PHACTR1: variants seen among roughly 807,000 people sequenced by gnomAD.
PHACTR1 encodes the protein RPEL repeat containing 1.
A neutral mutation model predicts 69.2 loss-of-function variants in PHACTR1; 16 were observed. That is an observed-to-expected ratio of 0.23 (90% CI 0.16 to 0.35). The LOEUF (loss-of-function observed/expected upper bound fraction) is 0.35, where lower values mean the gene tolerates loss of function less well. Ranked by LOEUF, PHACTR1 falls within the 10% of genes least tolerant of loss-of-function variation. The pLI, the probability that PHACTR1 is intolerant of heterozygous loss-of-function variation, is 1.00. For synonymous variants in PHACTR1, 312 were observed against 284.5 expected (o/e 1.10, Z -0.97); for missense variants, 510 against 734.7 (o/e 0.69, Z 3.54).
chr6:12,872,991 T>TTTCC (rs939938688), intron 4 of PHACTR1, among the ~76,000 whole-genome samples: 4 of 151,892 alleles, frequency 2.6e-5, no homozygotes, highest in African/African-American at 2.4e-5. Flanking sequence ...TCCTTCTTTC[T>TTTCC]TTCCTTCCTT....
At chr6:12,968,927 A>T (rs1793827323) in intron 4 of PHACTR1, among the ~76,000 whole-genome samples, 1 of 152,234 alleles carries the variant, frequency 6.6e-6, no homozygotes, top group Admixed American at 6.5e-5. Context: ...TTTCAAATGC[A>T]TTAGAATCTC....
At chr6:13,018,011 G>A (rs1285702690) in intron 4 of PHACTR1, among the ~76,000 whole-genome samples, 1 of 152,036 alleles carries the variant, frequency 6.6e-6, no homozygotes, top group African/African-American at 2.4e-5. Context: ...CTAATCCATG[G>A]ACTTGCTAGA....
intron 5 of PHACTR1, among the ~76,000 whole-genome samples, chr6:13,110,818 C>CT (rs1162307028): frequency 6.6e-6 from 1 of 152,162 alleles, no homozygotes; most frequent in Non-Finnish European, 1.5e-5. Flanking sequence ...CAGGTTCCTA[C>CT]TTTTTTACAG....
At chr6:12,903,580 C>T (rs1785420324) in intron 4 of PHACTR1, among the ~76,000 whole-genome samples, 1 of 152,254 alleles carries the variant, frequency 6.6e-6, no homozygotes, top group African/African-American at 2.4e-5. Flanking sequence ...GTTTATTCTG[C>T]CCTCCTGGCC....
chr6:12,939,796 C>A (rs1789875915), intron 4 of PHACTR1, among the ~76,000 whole-genome samples: 1 of 152,138 alleles, frequency 6.6e-6, no homozygotes, highest in Non-Finnish European at 1.5e-5. Flanking sequence ...AACTTTACCT[C>A]CAATGCCAAA....
chr6:12,835,440 C>T (rs936491122), intron 4 of PHACTR1, among the ~76,000 whole-genome samples: 2 of 151,904 alleles, frequency 1.3e-5, no homozygotes, highest in South Asian at 2.1e-4. Flanking sequence ...GAAGAAAGGC[C>T]GGTTGAGGAA....
intron 3 of PHACTR1, among the ~76,000 whole-genome samples, chr6:12,738,935 T>C (rs1012480360): frequency 6.6e-6 from 1 of 152,194 alleles, no homozygotes; most frequent in Non-Finnish European, 1.5e-5. Context: ...ATTTATGTTT[T>C]TTAAACCAGT....
chr6:12,864,841 T>C (rs1395477076), intron 4 of PHACTR1, among the ~76,000 whole-genome samples: 1 of 152,176 alleles, frequency 6.6e-6, no homozygotes. Context: ...CCAGTGTGGA[T>C]TTCTTCAGTA....
chr6:13,109,582 A>T (rs1444529933), intron 5 of PHACTR1, among the ~76,000 whole-genome samples: 3 of 152,022 alleles, frequency 2.0e-5, no homozygotes, highest in Admixed American at 6.6e-5. Context: ...CTAATTTGGA[A>T]TAGTTTGATT....
In PHACTR1 at chr6:12,938,723, C is replaced by T. The variant is rs79907348; in HGVS notation, c.251-114642C>T. Among the ~76,000 whole-genome samples, 1,156 of 152,264 alleles carry T rather than the reference C, an allele frequency of 7.6e-3. 21 individuals carry two copies. Among genetic ancestry groups the T allele is most frequent in the African/African-American group, 0.026 (1,074 of 41,520 alleles). On this transcript the variant is annotated intron_variant, in intron 4 of 14. Coordinates refer to ENST00000332995, the MANE Select transcript of PHACTR1 (RefSeq NM_030948.6). ...CTTTTTCATCCCCTCCCCAGACTCCCATCTCCAAGCAACAAGGATCTGCAT... is the reference window on the plus strand; with the variant it reads ...CTTTTTCATCCCCTCCCCAGACTCCTATCTCCAAGCAACAAGGATCTGCAT...
rs377659152 is a variant in PHACTR1 at position 13,227,085 on chromosome 6, TAA to T, written c.987-730_987-729del. ...ATATTTGATCCAAGTTGGTTCAACT[TAA>T]GAGGTAGAACCAAAAACATCATCCT... On this transcript the variant is annotated intron_variant, in intron 8 of 14. Transcript: ENST00000332995. Among the ~76,000 whole-genome samples the T allele has an allele frequency of 2.9e-3, 438 of 152,276 alleles. 3 individuals carry two copies. Among genetic ancestry groups the T allele is most frequent in the African/African-American group, 9.9e-3 (410 of 41,566 alleles).
At chr6:12,863,387 C>T (rs1208117514) in intron 4 of PHACTR1, among the ~76,000 whole-genome samples, 2 of 152,170 alleles carry the variant, frequency 1.3e-5, no homozygotes, top group Non-Finnish European at 2.9e-5. Context: ...GCACCAATAC[C>T]ATCAGGGGGA....
intron 10 of PHACTR1, among the ~76,000 whole-genome samples, chr6:13,244,666 G>T (rs1334788245): frequency 6.6e-6 from 1 of 152,178 alleles, no homozygotes; most frequent in Admixed American, 6.6e-5. Context: ...TGTTCTGCCC[G>T]GCTCACCGGC....
intron 4 of PHACTR1, among the ~76,000 whole-genome samples, chr6:12,947,436 GAAAT>G (rs1014535188): frequency 7.9e-5 from 12 of 151,322 alleles, no homozygotes; most frequent in Non-Finnish European, 1.3e-4. Flanking sequence ...GGTTCAATGA[GAAAT>G]AAAGAAGACA....
intron 5 of PHACTR1, among the ~76,000 whole-genome samples, chr6:13,143,267 A>C (rs571089862): frequency 1.3e-5 from 2 of 152,366 alleles, no homozygotes; most frequent in African/African-American, 4.8e-5. Flanking sequence ...CTTACATTTA[A>C]AAATAACTAA....
chr6:13,185,420 A>G (rs891115946), intron 7 of PHACTR1, among the ~76,000 whole-genome samples: 1 of 149,374 alleles, frequency 6.7e-6, no homozygotes, highest in Non-Finnish European at 1.5e-5. Flanking sequence ...AGCCCAGTGT[A>G]TTTCACCTAT....
intron 4 of PHACTR1, among the ~76,000 whole-genome samples, chr6:12,827,163 G>A (rs1228319627): frequency 2.0e-5 from 3 of 152,150 alleles, no homozygotes; most frequent in African/African-American, 7.2e-5. Flanking sequence ...TTTCTCGAAA[G>A]GACTTTTTCT....
chr6:13,098,085 G>A (rs1167030319), intron 5 of PHACTR1, among the ~76,000 whole-genome samples: 1 of 151,974 alleles, frequency 6.6e-6, no homozygotes, highest in Non-Finnish European at 1.5e-5. Context: ...GCATACTGAA[G>A]CACCTCCCAT....
intron 5 of PHACTR1, among the ~76,000 whole-genome samples, chr6:13,086,893 T>A (rs1812406185): frequency 6.6e-6 from 1 of 152,104 alleles, no homozygotes; most frequent in South Asian, 2.1e-4. Flanking sequence ...AACAAGGTGA[T>A]AGAGTTTCAG....
Sources: allele counts gnomAD v4.1 joint callset (sites outside exome capture counted in the v4.1 genomes callset), GRCh38; gene constraint gnomAD v4.1.1; transcripts MANE v1.5; gene names NCBI Gene and HGNC (gene_info 2026-07-23, HGNC 2026-07-21).